The following NARS2 variants were observed in gnomAD, a reference collection of about 807,000 sequenced individuals.
The protein encoded by NARS2 is asparaginyl-tRNA synthetase.
In NARS2, 60 loss-of-function variants were observed where a neutral mutation model predicts 62.9. The observed-to-expected ratio is 0.95, with a 90% CI of 0.77 to 1.18. The LOEUF (loss-of-function observed/expected upper bound fraction) is 1.18. NARS2 is among the 50% of genes most tolerant of loss of function. The pLI is 0.00. For missense variants in NARS2, 619 were observed against 576.4 expected (o/e 1.07, Z -0.76); for synonymous variants, 196 against 200.0 (o/e 0.98, Z 0.17).
intron 12 of NARS2, among the ~76,000 whole-genome samples, chr11:78,442,187 A>G (rs117700955): frequency 1.3e-5 from 2 of 152,358 alleles, no homozygotes; most frequent in East Asian, 3.9e-4. Flanking sequence ...CTTTCAACAG[A>G]TGAGGTTTCT....
At chr11:78,562,035 AAAAC>A (rs1370985486) in intron 4 of NARS2, among the ~76,000 whole-genome samples, 1 of 122,178 alleles carries the variant, frequency 8.2e-6, no homozygotes, top group Admixed American at 7.4e-5. Context: ...ACTCTGTCAA[AAAAC>A]AAAAAACAAA....
At chr11:78,522,362 A>G (rs1321397724) in intron 6 of NARS2, among the ~76,000 whole-genome samples, 3 of 152,248 alleles carry the variant, frequency 2.0e-5, no homozygotes, top group Non-Finnish European at 4.4e-5. Flanking sequence ...TTTCTCAAAC[A>G]TAAGAACTGT....
In NARS2 at chr11:78,469,247, C is replaced by T; in HGVS notation, c.1026G>A (p.Glu342=). 3 of 1,603,768 alleles carry T rather than the reference C, an allele frequency of 1.9e-6. No individual in the cohort carries two copies. The highest frequency in any genetic ancestry group is 1.1e-5 in the South Asian group (1 of 90,842). ...TATATACATACACACAAAATACTAC[C>T]TCTGGGGTAAAGGTGAAGTTCTGGG... The part of the protein sequence containing the change: ...QASQNFTFTP[E]WGADLRTEHE... Residue 342 remains glutamate, a splice_region_variant and synonymous_variant, in exon 10 of 14, where the codon GAG becomes GAA. Coordinates refer to ENST00000281038, the MANE Select transcript of NARS2 (RefSeq NM_024678.6).
At chr11:78,507,676 T>C (rs1860556971) in intron 6 of NARS2, among the ~76,000 whole-genome samples, 1 of 151,950 alleles carries the variant, frequency 6.6e-6, no homozygotes, top group African/African-American at 2.4e-5. Context: ...CCTGACACCA[T>C]GCCTGGCTAA....
chr11:78,536,079 A>G (rs1042069797), intron 5 of NARS2, among the ~76,000 whole-genome samples: 4 of 152,206 alleles, frequency 2.6e-5, no homozygotes, highest in Non-Finnish European at 5.9e-5. Context: ...TCAACAATGG[A>G]CTGTAGATAT....
intron 5 of NARS2, among the ~76,000 whole-genome samples, chr11:78,558,062 G>A (rs1282053723): frequency 1.3e-5 from 2 of 151,920 alleles, no homozygotes; most frequent in Non-Finnish European, 2.9e-5. Context: ...AAGGGATTTA[G>A]AAATGTATTT....
In NARS2 at chr11:78,493,200, AATTCAAGAT is replaced by A. The variant is rs772225837; in HGVS notation, c.690-14_690-6del. 1 of 1,609,694 alleles carries A rather than the reference AATTCAAGAT, an allele frequency of 6.2e-7. No individual in the cohort carries two copies. Among genetic ancestry groups the A allele is most frequent in the South Asian group, 1.1e-5 (1 of 90,410 alleles). On this transcript the variant is annotated splice_region_variant and splice_polypyrimidine_tract_variant and intron_variant, in intron 6 of 13. Transcript: ENST00000281038. ...GTAAACACTTGAGTAAAAGCTCTGCAATTCAAGATTAAGAGAATGCAAATAGAATTCACA... is the reference window on the plus strand; with the variant it reads ...GTAAACACTTGAGTAAAAGCTCTGCATAAGAGAATGCAAATAGAATTCACA...
intron 5 of NARS2, among the ~76,000 whole-genome samples, chr11:78,541,194 T>A (rs1211256436): frequency 6.6e-6 from 1 of 152,180 alleles, no homozygotes; most frequent in Non-Finnish European, 1.5e-5. Context: ...TTCCCTCTTG[T>A]AAAAGATGCT....
At chr11:78,552,027 A>G (rs1856139079) in intron 5 of NARS2, among the ~76,000 whole-genome samples, 1 of 152,138 alleles carries the variant, frequency 6.6e-6, no homozygotes, top group Non-Finnish European at 1.5e-5. Flanking sequence ...AGGTTTGGGG[A>G]TACATGTGAA....
At chr11:78,456,335 C>T (rs963678483) in intron 11 of NARS2, among the ~76,000 whole-genome samples, 1 of 152,122 alleles carries the variant, frequency 6.6e-6, no homozygotes, top group African/African-American at 2.4e-5. Flanking sequence ...CTCTACAATT[C>T]AAAGTATTAA....
At chr11:78,462,024 C>T (rs906362820) in intron 11 of NARS2, among the ~76,000 whole-genome samples, 1 of 152,154 alleles carries the variant, frequency 6.6e-6, no homozygotes, top group Non-Finnish European at 1.5e-5. Flanking sequence ...GCTATAGTTT[C>T]GCTAATTCGC....
rs778711345 is a variant in NARS2, at chr11:78,574,484, A to G, written c.5T>C (p.Leu2Pro). Residue 2 changes from leucine to proline, a missense_variant, in exon 1 of 14, where the codon CTG (leucine) becomes CCG (proline). Transcript: ENST00000281038. ...GGACCGCAGCAGGCAGCGGACCCCC[A>G]GCATCCCGCGTCCGCCCAGGCCCTC... M[L>P]GVRCLLRSVR... 9.3e-6 allele frequency: 15 copies of G among 1,610,990 alleles called. No homozygotes were observed. The Admixed American group carries it at 2.5e-4, about 27-fold the overall frequency.
chr11:78,526,521 C>G (rs1014756208), intron 6 of NARS2, among the ~76,000 whole-genome samples: 1 of 152,102 alleles, frequency 6.6e-6, no homozygotes, highest in African/African-American at 2.4e-5. Context: ...ATAAATCATA[C>G]TTTAATCAAA....
intron 11 of NARS2, among the ~76,000 whole-genome samples, chr11:78,449,195 G>C (rs540988581): frequency 8.7e-4 from 130 of 148,824 alleles, no homozygotes; most frequent in African/African-American, 3.2e-3. Context: ...GAGTGCAGTG[G>C]TGCGATCTCG....
chr11:78,567,204 T>C (rs987706931), intron 3 of NARS2, among the ~76,000 whole-genome samples: 4 of 152,170 alleles, frequency 2.6e-5, no homozygotes, highest in Admixed American at 2.6e-4. Context: ...ACAGGGGATA[T>C]GTTCCAAGAC....
intron 6 of NARS2, among the ~76,000 whole-genome samples, chr11:78,493,874 G>A (rs1045981780): frequency 1.1e-4 from 17 of 151,934 alleles, no homozygotes; most frequent in African/African-American, 3.6e-4. Flanking sequence ...AAAAAACACC[G>A]CAGCCCAAGA....
chr11:78,501,897 T>C lies in NARS2; in HGVS notation c.690-8702A>G, dbSNP rs1030644300. On this transcript the variant is annotated intron_variant, in intron 6 of 13. Coordinates refer to ENST00000281038, the MANE Select transcript of NARS2 (RefSeq NM_024678.6). The stretch of plus-strand genomic sequence containing the variant: ...ACAAAACTTTGTACATAAATGTTCA[T>C]AGTGGCATTATATAGCCAAAAAACA... Among the ~76,000 whole-genome samples, 45 of 152,230 alleles carry C rather than the reference T, an allele frequency of 3.0e-4. 1 individual carries two copies. The highest frequency in any genetic ancestry group is 2.7e-3 in the Admixed American group (42 of 15,284).
intron 2 of NARS2, 87 bp from the exon 3 acceptor site, chr11:78,568,839 ACTTAATGACAAAAGCTTTTACC>A: frequency 9.2e-7 from 1 of 1,091,400 alleles, no homozygotes; most frequent in South Asian, 1.7e-5. Flanking sequence ...ATATTAAAAT[ACTTAATGACAAAAGCTTTTACC>A]CTTATTGGGT....
At chr11:78,521,014 G>A (rs1385574162) in intron 6 of NARS2, among the ~76,000 whole-genome samples, 3 of 148,628 alleles carry the variant, frequency 2.0e-5, no homozygotes, top group Admixed American at 1.3e-4. Context: ...GCTGAGGTCA[G>A]TGCCACTGCA....
Sources: gnomAD v4.1 joint callset for allele counts (sites outside exome capture counted in the v4.1 genomes callset) on GRCh38, gnomAD v4.1.1 for gene constraint, MANE v1.5 for transcripts, NCBI Gene and HGNC (gene_info 2026-07-23, HGNC 2026-07-21) for gene names.